CTNND2: variants seen among roughly 807,000 people sequenced by gnomAD.
The protein encoded by CTNND2 is catenin delta 2.
In CTNND2, 22 loss-of-function variants were observed where a neutral mutation model predicts 144.4. The observed-to-expected ratio is 0.15, with a 90% CI of 0.11 to 0.22. CTNND2 has a LOEUF of 0.22. Among genes scored for constraint, CTNND2 ranks in the 10% least tolerant of loss-of-function variants. CTNND2 has a pLI of 1.00. For missense variants in CTNND2, 1,353 were observed against 1,618.8 expected (o/e 0.84, Z 2.82); for synonymous variants, 751 against 695.6 (o/e 1.08, Z -1.25).
chr5:11,809,378 G>T lies in CTNND2; in HGVS notation c.38-77106C>A, dbSNP rs56229406. Among the ~76,000 whole-genome samples, 4 of 152,066 alleles carry T rather than the reference G, an allele frequency of 2.6e-5. No homozygotes were observed. In the East Asian group the frequency reaches 7.7e-4, roughly 29 times the overall value. ...ATATGCATGTAGCAATACATTGGTG[G>T]GATTCTAACTTAGTCATCTTTACTT... On this transcript the variant is annotated intron_variant, in intron 1 of 21. Transcript: ENST00000304623.
chr5:11,480,644 A>ATGTGTGTGTGTGTGTG (rs112150074), intron 3 of CTNND2, among the ~76,000 whole-genome samples: 2,329 of 138,056 alleles, frequency 0.017, 64 homozygotes, highest in African/African-American at 0.055. Flanking sequence ...GAAAATACAT[A>ATGTGTGTGTGTGTGTG]TATGTGTGTG....
chr5:11,332,433 T>C (rs1171033085), intron 9 of CTNND2, among the ~76,000 whole-genome samples: 1 of 152,260 alleles, frequency 6.6e-6, no homozygotes, highest in African/African-American at 2.4e-5. Context: ...TAGGAGGCAG[T>C]GCCTGGCCAG....
intron 3 of CTNND2, among the ~76,000 whole-genome samples, chr5:11,484,262 C>T (rs1478872693): frequency 1.3e-5 from 2 of 152,220 alleles, no homozygotes; most frequent in Non-Finnish European, 2.9e-5. Context: ...CCCATCACCA[C>T]GTCATACAAA....
intron 18 of CTNND2, among the ~76,000 whole-genome samples, chr5:11,005,155 G>A (rs73044258): frequency 0.075 from 11,490 of 152,250 alleles, 1,473 homozygotes; most frequent in African/African-American, 0.26. Context: ...GCAGAGAAGG[G>A]GAGGCATTCC....
intron 8 of CTNND2, among the ~76,000 whole-genome samples, chr5:11,357,227 T>C (rs1186887811): frequency 1.3e-5 from 2 of 152,058 alleles, no homozygotes; most frequent in African/African-American, 4.8e-5. Flanking sequence ...ACCTGTACAC[T>C]CACATGTTTA....
At chr5:11,286,739 G>A (rs945822260) in intron 9 of CTNND2, among the ~76,000 whole-genome samples, 19 of 152,230 alleles carry the variant, frequency 1.2e-4, no homozygotes, top group African/African-American at 4.6e-4. Context: ...CTGACAGTGG[G>A]AGTATAAAAT....
intron 10 of CTNND2, among the ~76,000 whole-genome samples, chr5:11,213,960 T>A (rs1490957892): frequency 1.3e-5 from 2 of 152,206 alleles, no homozygotes; most frequent in Non-Finnish European, 2.9e-5. Context: ...TTCATTCAGT[T>A]CTTTATACTA....
At position 11,110,878 on chromosome 5, in the gene CTNND2, T is replaced by C; in HGVS notation, c.2443A>G (p.Lys815Glu). Residue 815 changes from lysine (K) to glutamate (E), a missense_variant, in exon 14 of 22, where the codon AAA (lysine) becomes GAA (glutamate). Coordinates refer to ENST00000304623, the MANE Select transcript of CTNND2 (RefSeq NM_001332.4). ...SSGCWGKKKK[K>E]KKSQDQWDGV... is the part of the protein sequence containing the mutation. ...ATCACCTGATCTTGGGATTTCTTTTTCTTCTTCTTCTTGCCCCAGCACCCA... is the reference window on the plus strand; with the variant it reads ...ATCACCTGATCTTGGGATTTCTTTTCCTTCTTCTTCTTGCCCCAGCACCCA... 1.3e-6 allele frequency: 2 copies of C among 1,555,492 alleles called. No homozygotes were observed. The highest frequency in any genetic ancestry group is 1.4e-5 in the African/African-American group (1 of 73,520).
chr5:11,839,441 A>T (rs1342258611), intron 1 of CTNND2, among the ~76,000 whole-genome samples: 2 of 150,380 alleles, frequency 1.3e-5, no homozygotes, highest in African/African-American at 4.9e-5. Flanking sequence ...AACAATGACA[A>T]TTTTTTTTTT....
At chr5:11,495,975 G>T (rs1038110069) in intron 3 of CTNND2, among the ~76,000 whole-genome samples, 1 of 152,080 alleles carries the variant, frequency 6.6e-6, no homozygotes, top group Non-Finnish European at 1.5e-5. Flanking sequence ...TCATTGCTAT[G>T]ATGTTGTTAT....
At chr5:11,299,898 G>A (rs1749407664) in intron 9 of CTNND2, among the ~76,000 whole-genome samples, 1 of 152,182 alleles carries the variant, frequency 6.6e-6, no homozygotes, top group African/African-American at 2.4e-5. Flanking sequence ...TAGCACCAGT[G>A]TGCCTCAGTG....
At chr5:10,999,905 A>T (rs1167866611) in intron 18 of CTNND2, among the ~76,000 whole-genome samples, 2 of 152,146 alleles carry the variant, frequency 1.3e-5, no homozygotes, top group African/African-American at 2.4e-5. Context: ...CAAAGCTACA[A>T]TCGTCCATAC....
intron 1 of CTNND2, among the ~76,000 whole-genome samples, chr5:11,899,794 G>A (rs147997665): frequency 0.016 from 2,396 of 152,220 alleles, 31 homozygotes; most frequent in Non-Finnish European, 0.024. Flanking sequence ...AAGAAACTGA[G>A]TTAACAACTG....
chr5:11,815,180 G>A (rs1792558196), intron 1 of CTNND2, among the ~76,000 whole-genome samples: 1 of 151,986 alleles, frequency 6.6e-6, no homozygotes, highest in African/African-American at 2.4e-5. Flanking sequence ...AAACTGCCAT[G>A]AATAAAATGA....
At chr5:11,000,874 TA>T (rs1413125080) in intron 18 of CTNND2, among the ~76,000 whole-genome samples, 1 of 152,178 alleles carries the variant, frequency 6.6e-6, no homozygotes, top group Non-Finnish European at 1.5e-5. Context: ...TGGGTATCCT[TA>T]TTTTCAAAAG....
At chr5:11,240,510 C>CACACACACACCCA (rs1426627739) in intron 9 of CTNND2, among the ~76,000 whole-genome samples, 1 of 127,506 alleles carries the variant, frequency 7.8e-6, no homozygotes, top group South Asian at 2.8e-4. Flanking sequence ...ACACACCCAA[C>CACACACACACCCA]ACACACACAC....
chr5:11,875,506 T>G (rs543163513), intron 1 of CTNND2, among the ~76,000 whole-genome samples: 2 of 152,306 alleles, frequency 1.3e-5, no homozygotes, highest in South Asian at 2.1e-4. Context: ...TAACTCCCAA[T>G]GTAACAGTAT....
intron 1 of CTNND2, among the ~76,000 whole-genome samples, chr5:11,777,146 G>A (rs1339243941): frequency 6.6e-6 from 1 of 152,070 alleles, no homozygotes; most frequent in Non-Finnish European, 1.5e-5. Context: ...TCCATAAATT[G>A]TTTAAATATA....
chr5:11,292,189 T>C (rs1049331707), intron 9 of CTNND2, among the ~76,000 whole-genome samples: 14 of 152,116 alleles, frequency 9.2e-5, no homozygotes, highest in Admixed American at 6.5e-5. Context: ...TCTACTAAAT[T>C]ATGAGTTGTG....
Sources: gnomAD v4.1 joint callset for allele counts (sites outside exome capture counted in the v4.1 genomes callset) on GRCh38, gnomAD v4.1.1 for gene constraint, MANE v1.5 for transcripts, NCBI Gene and HGNC (gene_info 2026-07-23, HGNC 2026-07-21) for gene names.